The following ZNF536 variants were observed in gnomAD, a reference collection of about 807,000 sequenced individuals.
ZNF536 encodes zinc finger protein 536.
In ZNF536, 13 loss-of-function variants were observed where a neutral mutation model predicts 84.5. The observed-to-expected ratio is 0.15, with a 90% confidence interval of 0.10 to 0.24. The LOEUF is 0.24. Ranked by LOEUF, ZNF536 falls within the 10% of genes least tolerant of loss-of-function variation. The pLI is 1.00. For missense variants in ZNF536, 1,536 were observed against 1,747.5 expected (o/e 0.88, Z 2.16); for synonymous variants, 811 against 742.5 (o/e 1.09, Z -1.50).
rs555154983 is a variant in ZNF536 at position 30,519,973 on chromosome 19, G to A, written c.2171-14874G>A. Reference sequence around the variant, plus strand: ...GGGATGATTGGGCAGACCTGACTTAGTCTGGAAGATGAGAGCAAATGACAT... The same window carrying A: ...GGGATGATTGGGCAGACCTGACTTAATCTGGAAGATGAGAGCAAATGACAT... On this transcript the variant is annotated intron_variant, in intron 2 of 4. Coordinates refer to ENST00000355537, the MANE Select transcript of ZNF536 (RefSeq NM_014717.3). Among the ~76,000 whole-genome samples, 55 of 152,342 alleles carry A rather than the reference G, an allele frequency of 3.6e-4. 1 individual carries two copies. The South Asian group carries it at 7.5e-3, about 21-fold the overall frequency.
intron 1 of ZNF536, among the ~76,000 whole-genome samples, chr19:30,255,545 G>T (rs368664344): frequency 6.6e-6 from 1 of 152,140 alleles, no homozygotes; most frequent in Non-Finnish European, 1.5e-5. Context: ...CAGAAATGCA[G>T]GATACGATTA....
rs371389236 is a variant in ZNF536, at chr19:30,508,584, G to C, written c.2171-26263G>C. Among the ~76,000 whole-genome samples, 3 of 152,084 alleles carry C rather than the reference G, an allele frequency of 2.0e-5. No homozygotes were observed. The East Asian group carries it at 5.8e-4, about 29-fold the overall frequency. On this transcript the variant is annotated intron_variant, in intron 2 of 4. Coordinates refer to ENST00000355537, the MANE Select transcript of ZNF536 (RefSeq NM_014717.3). ...CAGAGAAGGCTGGAAGGCAGCAGAG[G>C]GGGGCCAGGTGGAGCAGGGAGCCCT...
chr19:30,662,136 C>G (rs2050143213), intron 1 of ZNF536, among the ~76,000 whole-genome samples: 4 of 152,188 alleles, frequency 2.6e-5, no homozygotes, highest in Admixed American at 2.6e-4. Context: ...TCTCTTAATT[C>G]TGCCTCCCGG....
At chr19:30,413,156 C>T (rs1266008942) in intron 1 of ZNF536, among the ~76,000 whole-genome samples, 2 of 152,022 alleles carry the variant, frequency 1.3e-5, no homozygotes, top group African/African-American at 4.8e-5. Context: ...TTCAAAGAAA[C>T]TGTTTTTAGT....
At chr19:30,435,515 TG>T (rs1349174105) in intron 1 of ZNF536, among the ~76,000 whole-genome samples, 1 of 151,822 alleles carries the variant, frequency 6.6e-6, no homozygotes, top group Non-Finnish European at 1.5e-5. Context: ...GTGATCATTA[TG>T]GTGATGATGA....
upstream of ZNF536, among the ~76,000 whole-genome samples, chr19:30,227,171 A>C (rs117829797): frequency 0.026 from 3,995 of 152,020 alleles, 176 homozygotes; most frequent in Admixed American, 0.13. Flanking sequence ...AAGAAAGAAA[A>C]AGGGCTGGGC....
intron 2 of ZNF536, among the ~76,000 whole-genome samples, chr19:30,516,807 G>A (rs928605664): frequency 1.4e-4 from 21 of 152,244 alleles, no homozygotes; most frequent in Admixed American, 2.6e-4. Flanking sequence ...GCTTCGTGGC[G>A]GCAGTGGAAG....
intron 1 of ZNF536, among the ~76,000 whole-genome samples, chr19:30,616,700 G>A (rs1261222716): frequency 6.6e-6 from 1 of 152,042 alleles, no homozygotes; most frequent in Non-Finnish European, 1.5e-5. Context: ...CTCTCTTTTA[G>A]CTCTTAGAGA....
chr19:30,634,903 C>T (rs2049010359), intron 1 of ZNF536, among the ~76,000 whole-genome samples: 1 of 152,116 alleles, frequency 6.6e-6, no homozygotes, highest in South Asian at 2.1e-4. Flanking sequence ...AACTCTTAGC[C>T]AAAATCTCAG....
chr19:30,523,592 A>G (rs2044455355), intron 2 of ZNF536, among the ~76,000 whole-genome samples: 1 of 152,220 alleles, frequency 6.6e-6, no homozygotes, highest in Non-Finnish European at 1.5e-5. Context: ...AGATAGGGAC[A>G]GTGACAGTGG....
At chr19:30,499,321 G>A (rs1436056993) in intron 2 of ZNF536, among the ~76,000 whole-genome samples, 1 of 152,070 alleles carries the variant, frequency 6.6e-6, no homozygotes, top group African/African-American at 2.4e-5. Flanking sequence ...GTGTAAGTAT[G>A]AATGTACATA....
At chr19:30,665,069 C>T (rs150387106) in intron 1 of ZNF536, among the ~76,000 whole-genome samples, 4 of 152,346 alleles carry the variant, frequency 2.6e-5, no homozygotes, top group Non-Finnish European at 4.4e-5. Context: ...AGTGGCCAGG[C>T]GCCGTGGCTC....
At chr19:30,553,286 G>A (rs1309790260) in intron 4 of ZNF536, among the ~76,000 whole-genome samples, 2 of 152,186 alleles carry the variant, frequency 1.3e-5, no homozygotes, top group South Asian at 2.1e-4. Context: ...CTGTTGGGTC[G>A]GCACTTGGCT....
intron 2 of ZNF536, among the ~76,000 whole-genome samples, chr19:30,456,898 T>C (rs959268954): frequency 6.6e-6 from 1 of 151,830 alleles, no homozygotes; most frequent in African/African-American, 2.4e-5. Flanking sequence ...AAAAATTAGC[T>C]GGGCGTGGTG....
At chr19:30,677,800 T>A (rs1488603892) in intron 1 of ZNF536, among the ~76,000 whole-genome samples, 1 of 152,004 alleles carries the variant, frequency 6.6e-6, no homozygotes, top group Non-Finnish European at 1.5e-5. Flanking sequence ...AAGTGAGGGG[T>A]GCTGCACGTG....
At chr19:30,375,613 G>T (rs145395548) in intron 1 of ZNF536, among the ~76,000 whole-genome samples, 1 of 152,228 alleles carries the variant, frequency 6.6e-6, no homozygotes, top group Non-Finnish European at 1.5e-5. Context: ...CTGTGTGGGG[G>T]TAGGGGCAGG....
At chr19:30,290,465 T>C (rs768681225) in intron 2 of ZNF536, among the ~76,000 whole-genome samples, 4 of 152,008 alleles carry the variant, frequency 2.6e-5, no homozygotes, top group Non-Finnish European at 5.9e-5. Flanking sequence ...AGATATGGGA[T>C]CTTTCTATGT....
At position 30,445,471 on chromosome 19, in the gene ZNF536, G is replaced by T. The variant is rs1392485761; in HGVS notation, c.1909G>T (p.Gly637Cys). 1.2e-6 allele frequency: 2 copies of T among 1,614,142 alleles called. No individual in the cohort carries two copies. Among genetic ancestry groups the T allele is most frequent in the Non-Finnish European group, 1.7e-6 (2 of 1,180,036 alleles). ...KEKPTECPDC[G>C]RVFRTYHQVV... ...GAAGCCCACCGAGTGCCCCGACTGC[G>T]GCCGGGTGTTCCGCACTTACCACCA... is the stretch of plus-strand genomic sequence containing the variant. Residue 637 changes from glycine (G) to cysteine (C), a missense_variant, in exon 2 of 5, where the codon GGC becomes TGC. Transcript: ENST00000355537. This position sits in a 1 kb window ranked among gnomAD's most constrained non-coding sequence, Gnocchi z 4.5.
At chr19:30,304,403 G>A (rs1177967224) in intron 2 of ZNF536, among the ~76,000 whole-genome samples, 1 of 152,176 alleles carries the variant, frequency 6.6e-6, no homozygotes, top group Non-Finnish European at 1.5e-5. Context: ...AGCCTTTGAT[G>A]GGAGGGAGCT....
Sources: gnomAD v4.1 joint callset for allele counts (sites outside exome capture counted in the v4.1 genomes callset) on GRCh38, gnomAD v4.1.1 for gene constraint, Gnocchi (gnomAD v3.1) non-coding constraint, MANE v1.5 for transcripts, NCBI Gene and HGNC (gene_info 2026-07-23, HGNC 2026-07-21) for gene names.